The following TMEM182 variants were observed in gnomAD, a reference collection of about 807,000 sequenced individuals.
TMEM182 encodes transmembrane protein 182.
A neutral mutation model predicts 26.8 loss-of-function variants in TMEM182; 20 were observed. The observed-to-expected ratio is 0.75, with a 90% CI of 0.53 to 1.09. The LOEUF is 1.09. Ranked by LOEUF, TMEM182 falls within the 50% of genes least tolerant of loss-of-function variation. TMEM182 has a pLI of 0.00. For missense variants in TMEM182, 277 were observed against 275.5 expected (o/e 1.01, Z -0.04); for synonymous variants, 109 against 102.2 (o/e 1.07, Z -0.40).
At chr2:102,821,782 A>T (rs1265249133), downstream of TMEM182, among the ~76,000 whole-genome samples, 2 of 152,016 alleles carry the variant, frequency 1.3e-5, no homozygotes, top group Non-Finnish European at 2.9e-5. Context: ...TGGTCAGGAG[A>T]TCGAGACCAC....
chr2:102,810,213 A>T (rs1462011344), intron 4 of TMEM182, among the ~76,000 whole-genome samples: 1 of 152,166 alleles, frequency 6.6e-6, no homozygotes, highest in Non-Finnish European at 1.5e-5. Context: ...TTAGGAAAAA[A>T]GTTTTCATTT....
chr2:102,797,705 T>A, intron 3 of TMEM182, 158 bp from the exon 4 acceptor site: 1 of 801,258 alleles, frequency 1.2e-6, no homozygotes, highest in Non-Finnish European at 1.9e-6. Context: ...TCTGATAAGA[T>A]CTCCTGTTTG....
At chr2:102,837,438 G>A (rs1168251531) in intron 3 of TMEM182, among the ~76,000 whole-genome samples, 3 of 151,904 alleles carry the variant, frequency 2.0e-5, no homozygotes, top group Non-Finnish European at 4.4e-5. Context: ...TGGAGATTCT[G>A]TTAGAAAATT....
intron 4 of TMEM182, among the ~76,000 whole-genome samples, chr2:102,809,678 C>T (rs1436665797): frequency 6.6e-6 from 1 of 152,206 alleles, no homozygotes; most frequent in East Asian, 1.9e-4. Flanking sequence ...CAGCAATCCT[C>T]ATTTCCATCC....
chr2:102,795,900 T>G (rs1248240887), intron 3 of TMEM182, among the ~76,000 whole-genome samples: 1 of 152,066 alleles, frequency 6.6e-6, no homozygotes, highest in African/African-American at 2.4e-5. Context: ...AGAAAAAACA[T>G]AACCATGATT....
chr2:102,794,392 T>G (rs767833501), intron 3 of TMEM182, among the ~76,000 whole-genome samples: 7 of 152,234 alleles, frequency 4.6e-5, no homozygotes, highest in Non-Finnish European at 8.8e-5. Context: ...TATTAATCAT[T>G]TCTGCTGCTC....
At chr2:102,793,088 G>C (rs911203700) in intron 3 of TMEM182, among the ~76,000 whole-genome samples, 5 of 152,130 alleles carry the variant, frequency 3.3e-5, no homozygotes, top group African/African-American at 1.2e-4. Context: ...TCTGATTCGG[G>C]CTGTCAGTGC....
intron 1 of TMEM182, among the ~76,000 whole-genome samples, chr2:102,739,235 C>T (rs1354827625): frequency 6.6e-6 from 1 of 152,136 alleles, no homozygotes; most frequent in East Asian, 1.9e-4. Flanking sequence ...TACCAGTCAC[C>T]AGAATGCCTT....
At chr2:102,767,521 C>T (rs555278873) in intron 3 of TMEM182, among the ~76,000 whole-genome samples, 37 of 152,154 alleles carry the variant, frequency 2.4e-4, no homozygotes, top group Admixed American at 1.1e-3. Context: ...ACAATTCAAC[C>T]CTGAGAGAAT....
intron 3 of TMEM182, among the ~76,000 whole-genome samples, chr2:102,789,963 A>G (rs1167362376): frequency 6.6e-6 from 1 of 152,182 alleles, no homozygotes; most frequent in Non-Finnish European, 1.5e-5. Context: ...ACAAACGCTG[A>G]GACCCAGCAC....
intron 3 of TMEM182, among the ~76,000 whole-genome samples, chr2:102,832,086 G>A (rs967185109): frequency 6.6e-6 from 1 of 152,132 alleles, no homozygotes; most frequent in African/African-American, 2.4e-5. Context: ...AGTGAGAGAC[G>A]GATAGCCATT....
chr2:102,755,847 A>G (rs774198614), intron 1 of TMEM182, among the ~76,000 whole-genome samples: 9 of 152,204 alleles, frequency 5.9e-5, no homozygotes, highest in Non-Finnish European at 1.3e-4. Context: ...TATTGACTCA[A>G]TTTGTTCCAC....
At chr2:102,753,199 C>CA (rs201242858) in intron 1 of TMEM182, among the ~76,000 whole-genome samples, 1 of 138,930 alleles carries the variant, frequency 7.2e-6, no homozygotes, top group African/African-American at 2.8e-5. Context: ...AAGCTTCCCC[C>CA]CCCCACTGCC....
At chr2:102,744,419 T>C (rs1172048772) in intron 1 of TMEM182, among the ~76,000 whole-genome samples, 1 of 152,128 alleles carries the variant, frequency 6.6e-6, no homozygotes, top group Non-Finnish European at 1.5e-5. Context: ...TAGAGGGAAA[T>C]TTATAGTATT....
chr2:102,824,034 G>T (rs749672133), intron 3 of TMEM182, among the ~76,000 whole-genome samples: 26 of 152,200 alleles, frequency 1.7e-4, no homozygotes, highest in Non-Finnish European at 2.8e-4. Flanking sequence ...TGAAATAAAA[G>T]ATTCAGAAAG....
chr2:102,835,950 T>C (rs1285069266), intron 3 of TMEM182, among the ~76,000 whole-genome samples: 2 of 151,122 alleles, frequency 1.3e-5, no homozygotes, highest in Non-Finnish European at 2.9e-5. Flanking sequence ...ATGCGGTGTT[T>C]GGTTTCTCAA....
chr2:102,783,917 C>T lies in TMEM182; in HGVS notation c.332-13946C>T, dbSNP rs577337038. Among the ~76,000 whole-genome samples, 19 of 152,324 alleles carry T rather than the reference C, an allele frequency of 1.2e-4. No individual in the cohort carries two copies. The East Asian group carries it at 1.5e-3, about 12-fold the overall frequency. Reference sequence around the variant, plus strand: ...AGGATAATGAGGTATGCTTGCCCTGCCAGAGATGCTAGCTATGTCTCAGCT... The same window carrying T: ...AGGATAATGAGGTATGCTTGCCCTGTCAGAGATGCTAGCTATGTCTCAGCT... On this transcript the variant is annotated intron_variant, in intron 3 of 4. Transcript: ENST00000412401.
At position 102,776,677 on chromosome 2, in the gene TMEM182, G is replaced by A. The variant is rs574943126; in HGVS notation, c.331+12250G>A. 9.2e-5 allele frequency among the ~76,000 whole-genome samples: 14 copies of A among 152,256 alleles called. No homozygotes were observed. The South Asian group carries it at 2.9e-3, about 32-fold the overall frequency. ...TTTTCACCTCTGGGGTAAATACCAA[G>A]GAGTGCAATTTCTGGATCGTATGGT... On this transcript the variant is annotated intron_variant, in intron 3 of 4. Coordinates refer to ENST00000412401, the MANE Select transcript of TMEM182 (RefSeq NM_144632.5).
chr2:102,796,480 A>T (rs1438301273), intron 3 of TMEM182, among the ~76,000 whole-genome samples: 1 of 152,238 alleles, frequency 6.6e-6, no homozygotes, highest in East Asian at 1.9e-4. Flanking sequence ...GAAATAAATG[A>T]AAATGTAAAA....
Sources: gnomAD v4.1 joint callset for allele counts (sites outside exome capture counted in the v4.1 genomes callset) on GRCh38, gnomAD v4.1.1 for gene constraint, MANE v1.5 for transcripts, NCBI Gene and HGNC (gene_info 2026-07-23, HGNC 2026-07-21) for gene names.